NFATC1: variants seen among roughly 807,000 people sequenced by gnomAD.
NFATC1 encodes the protein nuclear factor of activated T cells 1, also known as nuclear factor of activated T-cells, cytoplasmic 1.
NFATC1 carries 22 observed loss-of-function variants against 76.0 expected under a neutral mutation model. That is an observed-to-expected ratio of 0.29 (90% confidence interval 0.21 to 0.41). The LOEUF is 0.41. NFATC1 is among the 10% of genes least tolerant of loss of function. NFATC1 has a pLI of 1.00. For synonymous variants in NFATC1, 704 were observed against 613.1 expected (o/e 1.15, Z -2.19); for missense variants, 1,357 against 1,337.7 (o/e 1.01, Z -0.23).
intron 9 of NFATC1, among the ~76,000 whole-genome samples, chr18:79,525,716 G>T (rs934921608): frequency 2.0e-5 from 3 of 152,198 alleles, no homozygotes; most frequent in Non-Finnish European, 4.4e-5. Flanking sequence ...AGCTCCGCTG[G>T]CCAGGGTTGG....
intron 2 of NFATC1, among the ~76,000 whole-genome samples, chr18:79,414,540 C>A (rs941674270): frequency 6.6e-6 from 1 of 152,182 alleles, no homozygotes; most frequent in Non-Finnish European, 1.5e-5. Context: ...ATACTGAATT[C>A]TTGCTGCAAT....
rs939676102 is a variant in NFATC1 at position 79,419,033 on chromosome 18, AT to A, written c.1226+7541del. 3.7e-3 allele frequency among the ~76,000 whole-genome samples: 554 copies of A among 151,588 alleles called. 9 individuals carry two copies. The highest frequency in any genetic ancestry group is 0.013 in the African/African-American group (530 of 41,352). ...AAACAACGTGGCTTTTTGCTCAGATATTTTTTTTTGAGCCAGGGTCTTGCTC... is the reference window on the plus strand; with the variant it reads ...AAACAACGTGGCTTTTTGCTCAGATATTTTTTTTGAGCCAGGGTCTTGCTC... On this transcript the variant is annotated intron_variant, in intron 2 of 9. Coordinates refer to ENST00000427363, the MANE Select transcript of NFATC1 (RefSeq NM_001278669.2).
chr18:79,398,089 C>T (rs2085065606), intron 1 of NFATC1, among the ~76,000 whole-genome samples: 1 of 152,140 alleles, frequency 6.6e-6, no homozygotes, highest in Non-Finnish European at 1.5e-5. Context: ...ATTCCTGGCC[C>T]ATCTGAGGAC....
chr18:79,460,879 C>T (rs56217927), intron 6 of NFATC1, among the ~76,000 whole-genome samples: 36,359 of 152,164 alleles, frequency 0.24, 5,391 homozygotes, highest in African/African-American at 0.41. Flanking sequence ...GCCCTGCACA[C>T]GCTCTGCTGA....
At chr18:79,490,011 G>C (rs2089630195) in intron 9 of NFATC1, among the ~76,000 whole-genome samples, 1 of 152,246 alleles carries the variant, frequency 6.6e-6, no homozygotes. Flanking sequence ...CCACCTGTGA[G>C]GTCCCTCGAT....
At chr18:79,469,179 C>T (rs541325572) in intron 8 of NFATC1, 2 of 310,428 alleles carry the variant, frequency 6.4e-6, no homozygotes, top group Admixed American at 6.5e-5. Flanking sequence ...AATATTTTAT[C>T]TTTTTCTGAA....
intron 1 of NFATC1, 34 bp downstream of exon 1, chr18:79,396,385 TGCGCCCCCCACGGCCCGGGCC>T: frequency 8.5e-7 from 1 of 1,170,706 alleles, no homozygotes; most frequent in Non-Finnish European, 1.1e-6. Context: ...CCCGGACCCC[TGCGCCCCCCACGGCCCGGGCC>T]GCGCCCCCCG....
intron 1 of NFATC1, among the ~76,000 whole-genome samples, chr18:79,401,468 G>A (rs1057472858): frequency 6.6e-6 from 1 of 152,250 alleles, no homozygotes; most frequent in Non-Finnish European, 1.5e-5. Context: ...GCCTGGGCCT[G>A]GGTTCTAGGT....
At position 79,528,016 on chromosome 18, in the gene NFATC1, A is replaced by T. The variant is rs1235639464; in HGVS notation, c.*439A>T. On this transcript the variant is annotated 3_prime_UTR_variant, in exon 10 of 10. Transcript: ENST00000427363. ...GAGTATTTTTAGGAGCAGAAACTGC[A>T]AACACATTTCATTGTGAGGTTTTAC... 21 of 412,986 alleles carry T rather than the reference A, an allele frequency of 5.1e-5. No homozygotes were observed. The highest frequency in any genetic ancestry group is 8.1e-5 in the Non-Finnish European group (19 of 233,862). The allele number at this position is 412,986 out of a possible 1,614,324, so 25.6% of individuals were successfully genotyped here.
chr18:79,470,755 G>C (rs2088753177), intron 8 of NFATC1: 2 of 152,338 alleles, frequency 1.3e-5, no homozygotes, highest in South Asian at 4.1e-4. Flanking sequence ...CGTCTTCAGG[G>C]GGCCTCACGT....
At chr18:79,430,275 GCTTTT>G (rs1001886628) in intron 2 of NFATC1, among the ~76,000 whole-genome samples, 29 of 152,152 alleles carry the variant, frequency 1.9e-4, no homozygotes, top group Non-Finnish European at 3.4e-4. Flanking sequence ...GGGGGAGGCG[GCTTTT>G]CTTTTCTTCT....
intron 1 of NFATC1, among the ~76,000 whole-genome samples, chr18:79,402,857 A>T (rs1568913085): frequency 6.6e-6 from 1 of 152,270 alleles, no homozygotes. Context: ...TTGACTCTCC[A>T]GCTTTTGACG....
In NFATC1 at chr18:79,515,338, C is replaced by CAA. The variant is rs75194540; in HGVS notation, c.2783-12171_2783-12170dup. Among the ~76,000 whole-genome samples the CAA allele has an allele frequency of 2.6e-3, 165 of 63,454 alleles. 1 individual carries two copies. The highest frequency in any genetic ancestry group is 7.7e-3 in the African/African-American group (154 of 20,126). 41.6% of individuals were successfully genotyped at this position (63,454 alleles called of 152,430 possible). A position where few individuals can be genotyped will look rare whatever the true frequency, so the allele number is the denominator to read the frequency against. ...TGGGTGACAGAGCAAGACTCCATCTCAAAAAAAAAAAAAAAAAAAAGAAGG... is the reference window on the plus strand; with the variant it reads ...TGGGTGACAGAGCAAGACTCCATCTCAAAAAAAAAAAAAAAAAAAAAAGAAGG... On this transcript the variant is annotated intron_variant, in intron 9 of 9. Transcript: ENST00000427363.
At chr18:79,469,458 A>G in intron 8 of NFATC1, 3 of 985,438 alleles carry the variant, frequency 3.0e-6, no homozygotes, top group Non-Finnish European at 3.6e-6. Context: ...GACCGTGGCC[A>G]CAGCATGAAG....
intron 2 of NFATC1, among the ~76,000 whole-genome samples, chr18:79,432,881 C>T: frequency 6.6e-6 from 1 of 152,160 alleles, no homozygotes; most frequent in Non-Finnish European, 1.5e-5. Flanking sequence ...GGCCGTGGGG[C>T]CCCCAGCTGG....
chr18:79,457,233 G>A (rs928804778), intron 6 of NFATC1, among the ~76,000 whole-genome samples: 1 of 152,190 alleles, frequency 6.6e-6, no homozygotes, highest in Admixed American at 6.5e-5. Context: ...AAGGAGGGCA[G>A]CGCCCGGGGA....
At chr18:79,523,848 A>T (rs2090679422) in intron 9 of NFATC1, 1 of 152,248 alleles carries the variant, frequency 6.6e-6, no homozygotes, top group African/African-American at 2.4e-5. Context: ...ATTGTGGTAT[A>T]ACAGCTCACC....
chr18:79,501,606 CA>C (rs555025523), intron 9 of NFATC1, among the ~76,000 whole-genome samples: 8,015 of 115,312 alleles, frequency 0.07, 319 homozygotes, highest in Admixed American at 0.11. Context: ...GCCTACACCC[CA>C]CCCCCCCTCC....
intron 8 of NFATC1, among the ~76,000 whole-genome samples, chr18:79,480,389 G>A (rs1006981726): frequency 6.6e-6 from 1 of 152,062 alleles, no homozygotes. Context: ...TGGGCCTTCT[G>A]CTTGCCCCTG....
Sources: gnomAD v4.1 joint callset for allele counts (sites outside exome capture counted in the v4.1 genomes callset) on GRCh38, gnomAD v4.1.1 for gene constraint, MANE v1.5 for transcripts, NCBI Gene and HGNC (gene_info 2026-07-23, HGNC 2026-07-21) for gene names.